DAGLA: variants seen among roughly 807,000 people sequenced by gnomAD.
DAGLA encodes diacylglycerol lipase alpha, also known as diacylglycerol lipase-alpha.
A neutral mutation model predicts 102.6 loss-of-function variants in DAGLA; 22 were observed. That is an observed-to-expected ratio of 0.21 (90% CI 0.15 to 0.31). The LOEUF (loss-of-function observed/expected upper bound fraction) is 0.31. DAGLA is among the 10% of genes least tolerant of loss of function. The pLI is 1.00. For missense variants in DAGLA, 927 were observed against 1,446.6 expected, an observed-to-expected ratio of 0.64 and a Z score of 5.83; for synonymous variants, 578 against 628.9, an observed-to-expected ratio of 0.92 and a Z score of 1.21.
chr11:61,702,041 G>T (rs1458950540), intron 1 of DAGLA, among the ~76,000 whole-genome samples: 26 of 151,966 alleles, frequency 1.7e-4, no homozygotes, highest in Non-Finnish European at 7.4e-5. Flanking sequence ...TGCCTGAGTA[G>T]CTGGGACTAT....
At chr11:61,685,259 T>A (rs1198611422) in intron 1 of DAGLA, among the ~76,000 whole-genome samples, 1 of 152,144 alleles carries the variant, frequency 6.6e-6, no homozygotes, top group Non-Finnish European at 1.5e-5. Flanking sequence ...TCCCAGGTAA[T>A]GCCTGGTGCG....
At chr11:61,681,793 G>T (rs1763176140) in intron 1 of DAGLA, among the ~76,000 whole-genome samples, 2 of 152,114 alleles carry the variant, frequency 1.3e-5, no homozygotes, top group African/African-American at 4.8e-5. Flanking sequence ...CTCCATCTGC[G>T]CTGAGATTGT....
At chr11:61,704,121 CT>C (rs59450113) in intron 1 of DAGLA, among the ~76,000 whole-genome samples, 7 of 91,914 alleles carry the variant, frequency 7.6e-5, no homozygotes, top group Admixed American at 1.1e-4. Context: ...CAGAGAATTT[CT>C]TTTTTTTTTT....
Position 61,728,158 on chromosome 11 carries a change from C to T in DAGLA, c.642C>T (p.Ala214=), listed in dbSNP as rs199765943. 3 of 1,614,138 alleles carry T rather than the reference C, an allele frequency of 1.9e-6. No individual in the cohort carries two copies. The highest frequency in any genetic ancestry group is 1.7e-5 in the Admixed American group (1 of 60,018). ...CTRTKDSQSD[A]YSEIAYLFAE... ...TGCCTTCCTGGACCTCGTAGGATGC[C>T]TACTCAGAAATCGCCTACCTCTTTG... The change falls in exon 7 of 20, where the codon GCC becomes GCT. Residue 214 remains alanine, a synonymous_variant. Coordinates refer to ENST00000257215, the MANE Select transcript of DAGLA (RefSeq NM_006133.3).
chr11:61,724,133 G>T (rs1407452533), intron 5 of DAGLA, among the ~76,000 whole-genome samples: 2 of 152,072 alleles, frequency 1.3e-5, no homozygotes, highest in Non-Finnish European at 2.9e-5. Context: ...TCAGAGATTG[G>T]GAGAGGCAAG....
chr11:61,714,153 G>A (rs1308614052), intron 1 of DAGLA, among the ~76,000 whole-genome samples: 1 of 152,186 alleles, frequency 6.6e-6, no homozygotes, highest in Non-Finnish European at 1.5e-5. Flanking sequence ...TGTGTGCAAT[G>A]GACTCATCCT....
chr11:61,743,721 G>A lies in DAGLA; in HGVS notation c.2361G>A (p.Glu787=), dbSNP rs2065505348. The A allele has an allele frequency of 1.2e-5, 19 of 1,610,476 alleles. No individual in the cohort carries two copies. Among genetic ancestry groups the A allele is most frequent in the Non-Finnish European group, 1.6e-5 (19 of 1,179,394 alleles). Residue 787 remains glutamate (E), a synonymous_variant, in exon 20 of 20, where the codon GAG becomes GAA. Coordinates refer to ENST00000257215, the MANE Select transcript of DAGLA (RefSeq NM_006133.3). ...LATMESLSDT[E]SLYSFDSRRS... The stretch of plus-strand genomic sequence containing the variant: ...CCATGGAGAGCCTCTCGGACACTGA[G>A]TCCCTGTACAGCTTCGACTCGCGCC...
At chr11:61,701,138 C>T (rs1442727490) in intron 1 of DAGLA, among the ~76,000 whole-genome samples, 1 of 152,242 alleles carries the variant, frequency 6.6e-6, no homozygotes, top group Non-Finnish European at 1.5e-5. Context: ...CACCAAGCCC[C>T]ATGTGTTTTC....
chr11:61,738,080 C>T (rs2065440873), intron 15 of DAGLA, 55 bp from the exon 16 acceptor site: 1 of 1,456,348 alleles, frequency 6.9e-7, no homozygotes, highest in East Asian at 2.3e-5. Flanking sequence ...GGCCCCATAC[C>T]TCTCATAGCC....
chr11:61,719,747 A>G (rs1180478760), intron 1 of DAGLA, among the ~76,000 whole-genome samples: 1 of 152,206 alleles, frequency 6.6e-6, no homozygotes, highest in Admixed American at 6.5e-5. Flanking sequence ...GGCCAGGTCT[A>G]AAGATTATAG....
rs1057390292 is a variant in DAGLA, at chr11:61,723,421, C to T, written c.410-13C>T. The stretch of plus-strand genomic sequence containing the variant: ...CAGCGCCCCTACCTAATGCCTCCCA[C>T]TGCTGCCCGCAGGAATGGTTGTCTG... On this transcript the variant is annotated splice_polypyrimidine_tract_variant and intron_variant, in intron 4 of 19. Coordinates refer to ENST00000257215, the MANE Select transcript of DAGLA (RefSeq NM_006133.3). 9 of 1,609,470 alleles carry T rather than the reference C, an allele frequency of 5.6e-6. No homozygotes were observed. Among genetic ancestry groups the T allele is most frequent in the South Asian group, 5.5e-5 (5 of 91,024 alleles).
At chr11:61,699,908 C>T (rs1395220405) in intron 1 of DAGLA, among the ~76,000 whole-genome samples, 1 of 152,232 alleles carries the variant, frequency 6.6e-6, no homozygotes, top group Non-Finnish European at 1.5e-5. Context: ...CCAAGGATTT[C>T]TCCCCTGGAA....
intron 1 of DAGLA, among the ~76,000 whole-genome samples, chr11:61,682,935 T>C (rs944822057): frequency 6.6e-6 from 1 of 151,980 alleles, no homozygotes; most frequent in African/African-American, 2.4e-5. Context: ...CAGACAGGTG[T>C]GGCACCTCTC....
At position 61,728,963 on chromosome 11, in the gene DAGLA, G is replaced by T. The variant is rs1435197904; in HGVS notation, c.804G>T (p.Gly268=). Residue 268 remains glycine (G), a synonymous_variant, in exon 8 of 20, where the codon GGG becomes GGT. Transcript: ENST00000257215. The part of the protein sequence containing the change: ...ANNDILAFLS[G]MPVTRNTKYL... ...ATGACATCTTGGCCTTCCTGTCTGGGATGCCGGTGACCAGAAACACCAAGT... is the reference window on the plus strand; with the variant it reads ...ATGACATCTTGGCCTTCCTGTCTGGTATGCCGGTGACCAGAAACACCAAGT... 6.2e-7 allele frequency: 1 copy of T among 1,614,200 alleles called. No individual in the cohort carries two copies. The highest frequency in any genetic ancestry group is 8.5e-7 in the Non-Finnish European group (1 of 1,180,038).
At chr11:61,719,652 C>T (rs1443815181) in intron 1 of DAGLA, among the ~76,000 whole-genome samples, 2 of 152,278 alleles carry the variant, frequency 1.3e-5, no homozygotes, top group Non-Finnish European at 2.9e-5. Context: ...AGCCTTCCTC[C>T]TGCCCTGCTG....
At chr11:61,713,330 C>G (rs1411494085) in intron 1 of DAGLA, among the ~76,000 whole-genome samples, 1 of 152,202 alleles carries the variant, frequency 6.6e-6, no homozygotes, top group Non-Finnish European at 1.5e-5. Flanking sequence ...CAAGTCACTT[C>G]AGCTCATCTG....
rs754503469 is a variant in DAGLA at position 61,738,190 on chromosome 11, C to T, written c.1639C>T (p.Arg547Ter). 6.2e-7 allele frequency: 1 copy of T among 1,612,982 alleles called. No homozygotes were observed. The highest frequency in any genetic ancestry group is 8.5e-7 in the Non-Finnish European group (1 of 1,179,938). Residue 547 changes from arginine to a stop codon, truncating the protein, a stop_gained, in exon 16 of 20, where the codon CGA becomes TGA. Coordinates refer to ENST00000257215, the MANE Select transcript of DAGLA (RefSeq NM_006133.3). LOFTEE classifies it high-confidence loss of function. ...CAGACAGCTCCTGGATGTCCTGCAGCGAAGCACCAAGCCCAAAGTGAGCCC... is the reference window on the plus strand; with the variant it reads ...CAGACAGCTCCTGGATGTCCTGCAGTGAAGCACCAAGCCCAAAGTGAGCCC... ...FRRQLLDVLQ[R>*]STKPKWRIIV...
intron 18 of DAGLA, 136 bp downstream of exon 18, chr11:61,740,728 A>G: frequency 8.6e-7 from 1 of 1,168,868 alleles, no homozygotes; most frequent in Non-Finnish European, 1.2e-6. Flanking sequence ...TAGCTGGGCC[A>G]GAAAGCCCCA....
At chr11:61,725,586 C>T (rs1375506851) in intron 5 of DAGLA, among the ~76,000 whole-genome samples, 1 of 152,216 alleles carries the variant, frequency 6.6e-6, no homozygotes, top group Non-Finnish European at 1.5e-5. Context: ...AGGCCCAACA[C>T]CCTGCTGACC....
Sources: gnomAD v4.1 joint callset for allele counts (sites outside exome capture counted in the v4.1 genomes callset) on GRCh38, gnomAD v4.1.1 for gene constraint, MANE v1.5 for transcripts, NCBI Gene and HGNC (gene_info 2026-07-23, HGNC 2026-07-21) for gene names.